Variants in GALNT7 observed in about 807,000 individuals in gnomAD.
The protein encoded by GALNT7 is N-acetylgalactosaminyltransferase 7.
In GALNT7, 60 loss-of-function variants were observed where a neutral mutation model predicts 82.1. That is an observed-to-expected ratio of 0.73 (90% CI 0.59 to 0.91). The LOEUF is 0.91. Among genes scored for constraint, GALNT7 ranks in the 40% least tolerant of loss-of-function variants. GALNT7 has a pLI of 0.00. For missense variants in GALNT7, 660 were observed against 804.2 expected (o/e 0.82, Z 2.17); for synonymous variants, 243 against 275.1 (o/e 0.88, Z 1.15).
intron 8 of GALNT7, among the ~76,000 whole-genome samples, chr4:173,313,441 T>A (rs1372008216): frequency 6.6e-6 from 1 of 151,836 alleles, no homozygotes; most frequent in Non-Finnish European, 1.5e-5. Flanking sequence ...TATAGTGGCA[T>A]GTACCTATAG....
At chr4:173,310,787 G>A (rs1737355485) in intron 8 of GALNT7, among the ~76,000 whole-genome samples, 1 of 152,104 alleles carries the variant, frequency 6.6e-6, no homozygotes, top group African/African-American at 2.4e-5. Context: ...CCAGGCTAGA[G>A]TGCAATGGTG....
chr4:173,236,765 T>A (rs1482244685), intron 1 of GALNT7, among the ~76,000 whole-genome samples: 2 of 152,228 alleles, frequency 1.3e-5, no homozygotes, highest in South Asian at 4.1e-4. Context: ...AGGCATTCCC[T>A]TCCTCCAGGC....
rs779457968 is a variant in GALNT7 at position 173,248,019 on chromosome 4, G to A, written c.166G>A (p.Gly56Ser). ...CAATGACCCCATGCCCAACCGAGGC[G>A]GCAATGGACTAGCTCCTGGGGAGGA... ...DVNDPMPNRG[G>S]NGLAPGEDRF... Residue 56 changes from glycine (G) to serine (S), a missense_variant, in exon 2 of 12, where the codon GGC becomes AGC. By Grantham distance (56) the Gly-to-Ser change is moderately conservative. Coordinates refer to ENST00000265000, the MANE Select transcript of GALNT7 (RefSeq NM_017423.3). 4.0e-5 allele frequency: 64 copies of A among 1,613,484 alleles called. No individual in the cohort carries two copies. The Middle Eastern group carries it at 5.0e-4, about 13-fold the overall frequency.
Position 173,232,041 on chromosome 4 carries a change from A to G in GALNT7, c.127-15939A>G, listed in dbSNP as rs542282761. 1.4e-3 allele frequency among the ~76,000 whole-genome samples: 210 copies of G among 152,268 alleles called. 6 individuals are homozygous for G. In the South Asian group the frequency reaches 0.041, roughly 30 times the overall value. On this transcript the variant is annotated intron_variant, in intron 1 of 11. Coordinates refer to ENST00000265000, the MANE Select transcript of GALNT7 (RefSeq NM_017423.3). ...GTGGGGGCTGAGTCTTTATAAATGG[A>G]ATTGGAACTGAACTTAGAAGGAAGA...
intron 1 of GALNT7, among the ~76,000 whole-genome samples, chr4:173,183,478 A>T (rs1226268976): frequency 1.4e-5 from 2 of 147,276 alleles, no homozygotes; most frequent in African/African-American, 4.9e-5. Context: ...CGTGGGCTTA[A>T]TTTTTTTTTT....
chr4:173,317,624 AT>A lies in GALNT7; in HGVS notation c.1609-3del. 19 of 1,565,826 alleles carry A rather than the reference AT, an allele frequency of 1.2e-5. No individual in the cohort carries two copies. The highest frequency in any genetic ancestry group is 2.2e-5 in the East Asian group (1 of 44,580). On this transcript the variant is annotated splice_polypyrimidine_tract_variant and intron_variant, in intron 9 of 11. Transcript: ENST00000265000. ...TTGCCTGCTTTTTGCGTCTTTATTC[AT>A]TTTTTTAGATCAGAGGCTTCGAAAC...
chr4:173,252,466 G>A (rs1315192451), intron 2 of GALNT7, among the ~76,000 whole-genome samples: 1 of 152,188 alleles, frequency 6.6e-6, no homozygotes, highest in African/African-American at 2.4e-5. Context: ...TGTAGTCTTT[G>A]TAGATGAATG....
intron 8 of GALNT7, among the ~76,000 whole-genome samples, chr4:173,305,462 T>A (rs1198008494): frequency 1.3e-5 from 2 of 152,216 alleles, no homozygotes; most frequent in Admixed American, 6.5e-5. Context: ...TTTATTTTTG[T>A]TGCCTGTTCT....
chr4:173,297,729 G>T, intron 5 of GALNT7: 1 of 678,114 alleles, frequency 1.5e-6, no homozygotes, highest in Non-Finnish European at 2.2e-6. Flanking sequence ...AAGAGATAAC[G>T]TAGTTAGGCA....
intron 1 of GALNT7, among the ~76,000 whole-genome samples, chr4:173,196,707 G>C (rs138943341): frequency 1.2e-3 from 190 of 152,224 alleles, no homozygotes; most frequent in Admixed American, 2.4e-3. Context: ...TGTCCCCACA[G>C]ACAGGCCCCA....
At position 173,193,926 on chromosome 4, in the gene GALNT7, C is replaced by T. The variant is rs578255708; in HGVS notation, c.126+24965C>T. Among the ~76,000 whole-genome samples the T allele has an allele frequency of 8.7e-4, 132 of 152,082 alleles. 1 individual carries two copies. Among genetic ancestry groups the T allele is most frequent in the Admixed American group, 2.0e-3 (31 of 15,282 alleles). ...TTTTTAAAAGGAGGCTAAATATATT[C>T]GGTTGTTGACAATACTAATTATTGC... On this transcript the variant is annotated intron_variant, in intron 1 of 11. Transcript: ENST00000265000.
rs184672875 is a variant in GALNT7 at position 173,175,239 on chromosome 4, C to T, written c.126+6278C>T. On this transcript the variant is annotated intron_variant, in intron 1 of 11. Transcript: ENST00000265000. ...ACTAAATTAAAGATTTCAGTAATAA[C>T]AGCAACAATAATAGTTTACATATAT... Among the ~76,000 whole-genome samples, 199 of 152,252 alleles carry T rather than the reference C, an allele frequency of 1.3e-3. 1 individual carries two copies. The highest frequency in any genetic ancestry group is 4.5e-3 in the African/African-American group (189 of 41,558).
At chr4:173,283,392 C>T (rs1269180378) in intron 2 of GALNT7, among the ~76,000 whole-genome samples, 1 of 152,078 alleles carries the variant, frequency 6.6e-6, no homozygotes, top group Non-Finnish European at 1.5e-5. Context: ...CTAATCCCAG[C>T]ACTTTGGGAG....
At chr4:173,205,752 G>A (rs979512311) in intron 1 of GALNT7, among the ~76,000 whole-genome samples, 8 of 152,282 alleles carry the variant, frequency 5.3e-5, no homozygotes, top group Admixed American at 2.0e-4. Flanking sequence ...TCTGAAACCC[G>A]GGGTGGAACC....
chr4:173,200,195 T>G (rs80297828), intron 1 of GALNT7, among the ~76,000 whole-genome samples: 1,993 of 152,324 alleles, frequency 0.013, 35 homozygotes, highest in East Asian at 0.062. Flanking sequence ...ACTTCGGAAT[T>G]AATCTAATTG....
intron 2 of GALNT7, among the ~76,000 whole-genome samples, chr4:173,270,079 C>T (rs1055898395): frequency 6.6e-6 from 1 of 152,296 alleles, no homozygotes; most frequent in African/African-American, 2.4e-5. Flanking sequence ...TACTTGGACC[C>T]ATAGCCACTG....
At chr4:173,296,430 T>C (rs1331268676) in intron 5 of GALNT7, among the ~76,000 whole-genome samples, 2 of 152,082 alleles carry the variant, frequency 1.3e-5, no homozygotes, top group African/African-American at 4.8e-5. Context: ...ATTAGGAAAA[T>C]AAAACACGTC....
Position 173,318,016 on chromosome 4 carries a change from C to A in GALNT7, c.1707+284C>A, listed in dbSNP as rs148185229. On this transcript the variant is annotated intron_variant, in intron 10 of 11. Transcript: ENST00000265000. Reference sequence around the variant, plus strand: ...GAGTATATATTTGTCACTACCGTAACTATGTAAGCCTAGCTCCCTAACAAT... The same window carrying A: ...GAGTATATATTTGTCACTACCGTAAATATGTAAGCCTAGCTCCCTAACAAT... Among the ~76,000 whole-genome samples, 213 of 152,286 alleles carry A rather than the reference C, an allele frequency of 1.4e-3. 5 individuals carry two copies. The highest frequency in any genetic ancestry group is 5.0e-3 in the African/African-American group (207 of 41,538).
At chr4:173,226,932 T>G (rs1410585069) in intron 1 of GALNT7, among the ~76,000 whole-genome samples, 1 of 152,322 alleles carries the variant, frequency 6.6e-6, no homozygotes, top group East Asian at 1.9e-4. Flanking sequence ...TTTTAAAAAA[T>G]AAATCATTTC....
Sources: allele counts gnomAD v4.1 joint callset (sites outside exome capture counted in the v4.1 genomes callset), GRCh38; gene constraint gnomAD v4.1.1; transcripts MANE v1.5; gene names NCBI Gene and HGNC (gene_info 2026-07-23, HGNC 2026-07-21).